The following SETBP1 variants were observed in gnomAD, a reference collection of about 807,000 sequenced individuals.
SETBP1 encodes the protein SET binding protein 1.
In SETBP1, 9 loss-of-function variants were observed where a neutral mutation model predicts 101.0. That is an observed-to-expected ratio of 0.09 (90% confidence interval 0.05 to 0.16). The LOEUF is 0.16. SETBP1 is among the 10% of genes least tolerant of loss of function. SETBP1 has a pLI of 1.00. For synonymous variants in SETBP1, 818 were observed against 788.5 expected, an observed-to-expected ratio of 1.04 and a Z score of -0.63; for missense variants, 1,858 against 2,033.8, an observed-to-expected ratio of 0.91 and a Z score of 1.66.
intron 1 of SETBP1, among the ~76,000 whole-genome samples, chr18:44,687,073 T>C (rs541746369): frequency 1.3e-5 from 2 of 152,254 alleles, no homozygotes; most frequent in East Asian, 3.9e-4. Context: ...CGCTCTTCAG[T>C]GATGGAGTGA....
chr18:44,687,609 T>A (rs2068859671), intron 1 of SETBP1, among the ~76,000 whole-genome samples: 1 of 152,192 alleles, frequency 6.6e-6, no homozygotes, highest in African/African-American at 2.4e-5. Context: ...TACCCACATC[T>A]GTTTTGAATT....
chr18:44,997,340 G>A (rs2072519727), intron 4 of SETBP1, among the ~76,000 whole-genome samples: 2 of 152,120 alleles, frequency 1.3e-5, no homozygotes, highest in African/African-American at 4.8e-5. Flanking sequence ...TCCAGCATTG[G>A]AAGAAACCCA....
At chr18:45,048,409 G>A (rs1026379512) in intron 5 of SETBP1, among the ~76,000 whole-genome samples, 31 of 152,222 alleles carry the variant, frequency 2.0e-4, no homozygotes, top group African/African-American at 7.0e-4. Flanking sequence ...CTCATGTCAG[G>A]ATTTAATCAT....
In SETBP1 at chr18:44,951,887, G is replaced by A; in HGVS notation, c.2547G>A (p.Lys849=). Residue 849 remains lysine (K), a synonymous_variant, in exon 4 of 6, where the codon AAG becomes AAA. Coordinates refer to ENST00000649279, the MANE Select transcript of SETBP1 (RefSeq NM_015559.3). The surrounding 1 kb of genome is among the most constrained non-coding windows in gnomAD (Gnocchi z 7.8). Reference sequence around the variant, plus strand: ...ACCTGTGCGAGATTGGCTCCCTAAAGGAAATCACGCTGTCCCCTGTGAGCG... The same window carrying A: ...ACCTGTGCGAGATTGGCTCCCTAAAAGAAATCACGCTGTCCCCTGTGAGCG... ...PSHLCEIGSL[K]EITLSPVSES... 1 of 1,614,008 alleles carries A rather than the reference G, an allele frequency of 6.2e-7. No homozygotes were observed. Among genetic ancestry groups the A allele is most frequent in the Non-Finnish European group, 8.5e-7 (1 of 1,180,010 alleles).
chr18:44,789,486 GAC>G (rs1162757827), intron 2 of SETBP1, among the ~76,000 whole-genome samples: 2 of 152,130 alleles, frequency 1.3e-5, no homozygotes, highest in African/African-American at 4.8e-5. Flanking sequence ...AAAAAAATAA[GAC>G]AGGATCTAAG....
chr18:45,016,969 C>T (rs1012140892), intron 4 of SETBP1, among the ~76,000 whole-genome samples: 3 of 152,058 alleles, frequency 2.0e-5, no homozygotes, highest in Non-Finnish European at 2.9e-5. Flanking sequence ...TTAATTTTTC[C>T]CCCTCCATTG....
chr18:44,943,832 T>C (rs1224588857), intron 3 of SETBP1, among the ~76,000 whole-genome samples: 1 of 117,964 alleles, frequency 8.5e-6, no homozygotes, highest in East Asian at 2.6e-4. Flanking sequence ...TCTTTTTTCT[T>C]TTTTTTTCTT....
intron 1 of SETBP1, among the ~76,000 whole-genome samples, chr18:44,685,487 G>A (rs2068821633): frequency 6.6e-6 from 1 of 152,158 alleles, no homozygotes; most frequent in Admixed American, 6.5e-5. Context: ...AGACGGCTGT[G>A]GCAAAGTGTG....
At chr18:44,998,432 T>C (rs909204244) in intron 4 of SETBP1, among the ~76,000 whole-genome samples, 1 of 152,222 alleles carries the variant, frequency 6.6e-6, no homozygotes, top group Non-Finnish European at 1.5e-5. Context: ...ACCCCGGAGA[T>C]TTCACTTGCC....
chr18:44,951,255 G>A lies in SETBP1; in HGVS notation c.1915G>A (p.Glu639Lys). 1 of 1,614,024 alleles carries A rather than the reference G, an allele frequency of 6.2e-7. No individual in the cohort carries two copies. The highest frequency in any genetic ancestry group is 8.5e-7 in the Non-Finnish European group (1 of 1,180,046). Reference sequence around the variant, plus strand: ...GAAGTTGGCCCAGCTAGTGCCGGGAGAGGACAAACCCATGAGCGAGATGAA... The same window carrying A: ...GAAGTTGGCCCAGCTAGTGCCGGGAAAGGACAAACCCATGAGCGAGATGAA... ...LAKLAQLVPG[E>K]DKPMSEMKFH... Residue 639 changes from glutamate to lysine, a missense_variant, in exon 4 of 6, where the codon GAG (glutamate) becomes AAG (lysine). By Grantham distance (56) the Glu-to-Lys change is moderately conservative. Coordinates refer to ENST00000649279, the MANE Select transcript of SETBP1 (RefSeq NM_015559.3). The surrounding 1 kb of genome is among the most constrained non-coding windows in gnomAD (Gnocchi z 7.8).
At chr18:44,919,218 T>C (rs2070518670) in intron 3 of SETBP1, among the ~76,000 whole-genome samples, 1 of 152,196 alleles carries the variant, frequency 6.6e-6, no homozygotes, top group East Asian at 1.9e-4. Flanking sequence ...GAATTAACCA[T>C]AGGGTTCTGA....
chr18:44,928,963 T>C (rs1599334595), intron 3 of SETBP1, among the ~76,000 whole-genome samples: 2 of 152,360 alleles, frequency 1.3e-5, no homozygotes, highest in South Asian at 2.1e-4. Flanking sequence ...TTTTGGCTTT[T>C]GTTGTTATTG....
At chr18:44,925,019 T>G (rs1350981889) in intron 3 of SETBP1, among the ~76,000 whole-genome samples, 7 of 144,548 alleles carry the variant, frequency 4.8e-5, no homozygotes, top group South Asian at 2.2e-4. Flanking sequence ...TTTTTTTTTT[T>G]TTTTTTTTTT....
At chr18:44,856,803 A>G (rs192623695) in intron 2 of SETBP1, among the ~76,000 whole-genome samples, 253 of 152,366 alleles carry the variant, frequency 1.7e-3, no homozygotes, top group Non-Finnish European at 2.7e-3. Context: ...TGCTGTTAAC[A>G]TGCACATGTC....
intron 3 of SETBP1, among the ~76,000 whole-genome samples, chr18:44,881,387 G>C (rs2069526906): frequency 6.6e-6 from 1 of 152,166 alleles, no homozygotes; most frequent in Admixed American, 6.6e-5. Context: ...AGAAATCTGA[G>C]ACTGCAGGCA....
In SETBP1 at chr18:44,850,934, A is replaced by G. The variant is rs553346634; in HGVS notation, c.487-18296A>G. 6.6e-5 allele frequency among the ~76,000 whole-genome samples: 10 copies of G among 152,280 alleles called. No individual in the cohort carries two copies. The East Asian group carries it at 1.9e-3, about 29-fold the overall frequency. On this transcript the variant is annotated intron_variant, in intron 2 of 5. Coordinates refer to ENST00000649279, the MANE Select transcript of SETBP1 (RefSeq NM_015559.3). ...AGTGCTTAGTTCTGGAGACAGGTGCATACTCATAAATGCCTATCTCCTGCC... is the reference window on the plus strand; with the variant it reads ...AGTGCTTAGTTCTGGAGACAGGTGCGTACTCATAAATGCCTATCTCCTGCC...
intron 2 of SETBP1, among the ~76,000 whole-genome samples, chr18:44,840,781 G>T (rs1262002153): frequency 6.6e-6 from 1 of 152,174 alleles, no homozygotes; most frequent in Non-Finnish European, 1.5e-5. Flanking sequence ...CTCAATTCTG[G>T]CAGTACCTTT....
In SETBP1 at chr18:44,952,128, C is replaced by T. The variant is rs151193627; in HGVS notation, c.2788C>T (p.His930Tyr). 1 of 1,614,104 alleles carries T rather than the reference C, an allele frequency of 6.2e-7. No homozygotes were observed. Among genetic ancestry groups the T allele is most frequent in the African/African-American group, 1.3e-5 (1 of 75,028 alleles). Reference protein sequence around the residue: ...KHLIVDNFLAHESLKKPKHKR... With the variant: ...KHLIVDNFLAYESLKKPKHKR... ...TCTCATTGTGGACAACTTTCTGGCCCACGAAAGCCTCAAGAAGCCAAAGCA... is the reference window on the plus strand; with the variant it reads ...TCTCATTGTGGACAACTTTCTGGCCTACGAAAGCCTCAAGAAGCCAAAGCA... Residue 930 changes from histidine to tyrosine, a missense_variant, in exon 4 of 6, where the codon CAC (histidine) becomes TAC (tyrosine). Physicochemically the swap from His to Tyr is moderately conservative, Grantham distance 83. Transcript: ENST00000649279.
intron 2 of SETBP1, among the ~76,000 whole-genome samples, chr18:44,747,748 C>A (rs1056876124): frequency 1.3e-5 from 2 of 152,264 alleles, no homozygotes; most frequent in African/African-American, 4.8e-5. Flanking sequence ...TGGGAAACAA[C>A]TGGTTCAACA....
Sources: gnomAD v4.1 joint callset for allele counts (sites outside exome capture counted in the v4.1 genomes callset) on GRCh38, gnomAD v4.1.1 for gene constraint, Gnocchi (gnomAD v3.1) non-coding constraint, MANE v1.5 for transcripts, NCBI Gene and HGNC (gene_info 2026-07-23, HGNC 2026-07-21) for gene names.